Variants in GPC6 observed in about 807,000 individuals in gnomAD.
GPC6 encodes glypican 6.
In GPC6, 14 loss-of-function variants were observed where a neutral mutation model predicts 55.2. The observed-to-expected ratio is 0.25, with a 90% CI of 0.17 to 0.40. The LOEUF is 0.40. Ranked by LOEUF, GPC6 falls within the 10% of genes least tolerant of loss-of-function variation. The pLI is 1.00. For missense variants in GPC6, 641 were observed against 708.5 expected (o/e 0.90, Z 1.08); for synonymous variants, 278 against 259.6 (o/e 1.07, Z -0.68).
At chr13:93,969,035 G>A (rs1880169978) in intron 3 of GPC6, among the ~76,000 whole-genome samples, 1 of 152,110 alleles carries the variant, frequency 6.6e-6, no homozygotes, top group African/African-American at 2.4e-5. Flanking sequence ...AAAAACCCTT[G>A]GGATGCCTTG....
chr13:93,401,584 T>C lies in GPC6; in HGVS notation c.161-143679T>C, dbSNP rs549769229. 4.0e-5 allele frequency among the ~76,000 whole-genome samples: 6 copies of C among 151,668 alleles called. No homozygotes were observed. The South Asian group carries it at 1.3e-3, about 32-fold the overall frequency. ...GGATCTACTCTCTTACACAGTGTGA[T>C]TAGAAACCAGGGAGGATGGGGTTAG... On this transcript the variant is annotated intron_variant, in intron 1 of 8. Transcript: ENST00000377047.
chr13:93,308,407 T>A (rs758435472), intron 1 of GPC6, among the ~76,000 whole-genome samples: 3 of 152,246 alleles, frequency 2.0e-5, no homozygotes, highest in Admixed American at 6.5e-5. Flanking sequence ...GCTGAAATTG[T>A]TGAACCAAAT....
chr13:93,583,443 A>G (rs1042422847), intron 2 of GPC6, among the ~76,000 whole-genome samples: 2 of 151,226 alleles, frequency 1.3e-5, no homozygotes, highest in African/African-American at 4.9e-5. Context: ...TTTGAGACAG[A>G]GTTTCATTTT....
intron 1 of GPC6, among the ~76,000 whole-genome samples, chr13:93,233,454 G>A (rs1390183177): frequency 6.6e-6 from 1 of 151,988 alleles, no homozygotes; most frequent in East Asian, 1.9e-4. Flanking sequence ...TTCATGCAAT[G>A]AGTATTTATT....
At chr13:94,023,055 A>G (rs990166611) in intron 3 of GPC6, among the ~76,000 whole-genome samples, 1 of 152,046 alleles carries the variant, frequency 6.6e-6, no homozygotes, top group African/African-American at 2.4e-5. Context: ...ATAAACAAAA[A>G]TCCACATTAC....
chr13:94,293,405 C>T (rs1875114030), intron 5 of GPC6, among the ~76,000 whole-genome samples: 1 of 152,174 alleles, frequency 6.6e-6, no homozygotes, highest in Non-Finnish European at 1.5e-5. Context: ...GACAGTTCCT[C>T]CTTCACACAC....
At chr13:94,178,834 A>G (rs1157196065) in intron 4 of GPC6, among the ~76,000 whole-genome samples, 1 of 152,212 alleles carries the variant, frequency 6.6e-6, no homozygotes, top group Non-Finnish European at 1.5e-5. Context: ...GAAAGGTGAG[A>G]GCAGATGAGA....
At chr13:93,726,454 T>A (rs1883646244) in intron 2 of GPC6, among the ~76,000 whole-genome samples, 2 of 152,158 alleles carry the variant, frequency 1.3e-5, no homozygotes, top group African/African-American at 4.8e-5. Flanking sequence ...GTGTTGACCT[T>A]GTCCACATAT....
At chr13:94,323,311 A>G (rs990371542) in intron 6 of GPC6, among the ~76,000 whole-genome samples, 20 of 152,170 alleles carry the variant, frequency 1.3e-4, no homozygotes, top group African/African-American at 4.8e-4. Flanking sequence ...ACCTAATCTC[A>G]TCTCATTTTC....
intron 2 of GPC6, among the ~76,000 whole-genome samples, chr13:93,751,534 T>A (rs1296263210): frequency 1.3e-5 from 2 of 151,896 alleles, no homozygotes; most frequent in Admixed American, 1.3e-4. Flanking sequence ...AAATTTTATT[T>A]TTATAGAGAT....
At chr13:94,167,055 G>A (rs552777428) in intron 4 of GPC6, among the ~76,000 whole-genome samples, 1 of 152,226 alleles carries the variant, frequency 6.6e-6, no homozygotes, top group South Asian at 2.1e-4. Flanking sequence ...TCTTTATCGA[G>A]AGTTAGGTAA....
At chr13:93,890,553 GATGAA>G (rs1015775212) in intron 3 of GPC6, among the ~76,000 whole-genome samples, 9 of 151,714 alleles carry the variant, frequency 5.9e-5, no homozygotes, top group African/African-American at 2.2e-4. Flanking sequence ...ATAGTTTTTA[GATGAA>G]AATTTGGAAT....
chr13:94,133,693 G>T (rs745952008), intron 4 of GPC6, among the ~76,000 whole-genome samples: 4 of 151,534 alleles, frequency 2.6e-5, no homozygotes, highest in Admixed American at 6.6e-5. Flanking sequence ...AATTTAGTAT[G>T]CCTAAAAAGA....
At chr13:93,860,839 T>C (rs1223410559) in intron 3 of GPC6, among the ~76,000 whole-genome samples, 2 of 151,728 alleles carry the variant, frequency 1.3e-5, no homozygotes, top group African/African-American at 4.8e-5. Flanking sequence ...ACAGCAATTT[T>C]GAATCTCATC....
intron 2 of GPC6, among the ~76,000 whole-genome samples, chr13:93,779,921 T>C (rs760429354): frequency 3.9e-5 from 6 of 152,200 alleles, no homozygotes; most frequent in Admixed American, 6.5e-5. Flanking sequence ...TGGAAGATGC[T>C]ACTCTTTTCC....
At chr13:93,746,472 T>G (rs1240917102) in intron 2 of GPC6, among the ~76,000 whole-genome samples, 1 of 152,154 alleles carries the variant, frequency 6.6e-6, no homozygotes, top group African/African-American at 2.4e-5. Context: ...AAAGCCTTTC[T>G]TAATCTACCA....
intron 8 of GPC6, 81 bp downstream of exon 8, chr13:94,398,722 G>T: frequency 9.3e-7 from 1 of 1,079,792 alleles, no homozygotes; most frequent in Non-Finnish European, 1.4e-6. Flanking sequence ...TTCTTCAAGA[G>T]CAATATGCCC....
intron 2 of GPC6, among the ~76,000 whole-genome samples, chr13:93,771,461 G>A (rs1483939992): frequency 1.3e-5 from 2 of 152,108 alleles, no homozygotes; most frequent in Admixed American, 1.3e-4. Flanking sequence ...GTCGGGGAGT[G>A]CACTCTGCAG....
At chr13:93,598,476 T>C (rs1404202669) in intron 2 of GPC6, among the ~76,000 whole-genome samples, 1 of 152,210 alleles carries the variant, frequency 6.6e-6, no homozygotes, top group African/African-American at 2.4e-5. Flanking sequence ...CCATTAGCCT[T>C]TCACTTAATG....
Sources: allele counts gnomAD v4.1 joint callset (sites outside exome capture counted in the v4.1 genomes callset), GRCh38; gene constraint gnomAD v4.1.1; transcripts MANE v1.5; gene names NCBI Gene and HGNC (gene_info 2026-07-23, HGNC 2026-07-21).